The following LRP11 variants were observed in gnomAD, a reference collection of about 807,000 sequenced individuals.
LRP11 encodes LDL receptor related protein 11.
In LRP11, 25 loss-of-function variants were observed where a neutral mutation model predicts 43.1. The observed-to-expected ratio is 0.58, with a 90% CI of 0.42 to 0.81. The LOEUF (loss-of-function observed/expected upper bound fraction) is 0.81, where lower values mean the gene tolerates loss of function less well. Ranked by LOEUF, LRP11 falls within the 30% of genes least tolerant of loss-of-function variation. The pLI, the probability that LRP11 is intolerant of heterozygous loss-of-function variation, is 0.00. For synonymous variants in LRP11, 316 were observed against 299.4 expected, an observed-to-expected ratio of 1.06 and a Z score of -0.57; for missense variants, 623 against 665.1, an observed-to-expected ratio of 0.94 and a Z score of 0.70.
chr6:149,853,922 A>G (rs1776760262), intron 1 of LRP11, among the ~76,000 whole-genome samples: 1 of 152,218 alleles, frequency 6.6e-6, no homozygotes, highest in African/African-American at 2.4e-5. Context: ...AAAGTATTCA[A>G]TGAATGGGAA....
intron 1 of LRP11, among the ~76,000 whole-genome samples, chr6:149,859,396 A>ATTT (rs1163759560): frequency 8.4e-5 from 6 of 71,494 alleles, no homozygotes; most frequent in Non-Finnish European, 1.1e-4. Flanking sequence ...ATATATATAT[A>ATTT]TTTTTTTTTT....
intron 6 of LRP11, among the ~76,000 whole-genome samples, chr6:149,823,265 G>C (rs1005855690): frequency 1.3e-5 from 2 of 152,174 alleles, no homozygotes; most frequent in African/African-American, 4.8e-5. Context: ...TCATTTATGG[G>C]AGTACAGAAG....
At chr6:149,828,360 T>G (rs1776367673) in intron 5 of LRP11, among the ~76,000 whole-genome samples, 3 of 152,140 alleles carry the variant, frequency 2.0e-5, no homozygotes. Flanking sequence ...CAGAGTGCAA[T>G]TTTTGTGGCA....
In LRP11 at chr6:149,863,768, G is replaced by C; in HGVS notation, c.253C>G (p.Pro85Ala). 1 of 1,478,528 alleles carries C rather than the reference G, an allele frequency of 6.8e-7. No homozygotes were observed. Among genetic ancestry groups the C allele is most frequent in the South Asian group, 1.3e-5 (1 of 78,386 alleles). The allele number at this position is 1,478,528 out of a possible 1,614,324, so 91.6% of individuals were successfully genotyped here. Residue 85 changes from proline to alanine, a missense_variant, in exon 1 of 7, where the codon CCC becomes GCC. Coordinates refer to ENST00000239367, the MANE Select transcript of LRP11 (RefSeq NM_032832.6). The stretch of plus-strand genomic sequence containing the variant: ...CCCGGGCCCGGGCAGTCCTCCTGGG[G>C]GCCGCCGCCCGCGCGCAGCTCCAGC... ...LELELRAGGG[P>A]QEDCPGPGSG...
intron 6 of LRP11, among the ~76,000 whole-genome samples, chr6:149,820,928 C>CT (rs11399122): frequency 0.096 from 11,150 of 116,448 alleles, 2,358 homozygotes; most frequent in African/African-American, 0.36. Context: ...CAAACCTAGA[C>CT]TTTTTTTTTT....
rs768283917 is a variant in LRP11 at position 149,843,151 on chromosome 6, T to C, written c.772-27A>G. On this transcript the variant is annotated intron_variant, in intron 2 of 6. Transcript: ENST00000239367. Reference sequence around the variant, plus strand: ...TGCCACACAGATGGGACACATCACGTCGAGCAGCAGACTTGAGCTCCGAGC... The same window carrying C: ...TGCCACACAGATGGGACACATCACGCCGAGCAGCAGACTTGAGCTCCGAGC... 8 of 1,613,644 alleles carry C rather than the reference T, an allele frequency of 5.0e-6. No individual in the cohort carries two copies. The Admixed American group carries it at 1.3e-4, about 27-fold the overall frequency.
chr6:149,821,271 C>T (rs1776274952), intron 6 of LRP11, among the ~76,000 whole-genome samples: 1 of 152,178 alleles, frequency 6.6e-6, no homozygotes, highest in African/African-American at 2.4e-5. Context: ...CAGCTTCCTA[C>T]AAAATTTGTA....
intron 5 of LRP11, among the ~76,000 whole-genome samples, chr6:149,833,027 C>G (rs1776429244): frequency 6.6e-6 from 1 of 152,008 alleles, no homozygotes; most frequent in Admixed American, 6.5e-5. Context: ...CCAGGATGGT[C>G]TCGATCTCCT....
chr6:149,820,394 A>AC lies in LRP11; in HGVS notation c.*154_*155insG, dbSNP rs1454624802. The AC allele has an allele frequency of 7.9e-6, 3 of 379,956 alleles. No homozygotes were observed. Among genetic ancestry groups the AC allele is most frequent in the Non-Finnish European group, 1.3e-5 (3 of 231,226 alleles). 23.5% of individuals were successfully genotyped at this position (379,956 alleles called of 1,614,324 possible). On this transcript the variant is annotated 3_prime_UTR_variant, in exon 7 of 7. Coordinates refer to ENST00000239367, the MANE Select transcript of LRP11 (RefSeq NM_032832.6). ...CAAAATATTTTATGACTTCTAAGGA[A>AC]ACTTTTTTTACAATAAATAATAAAG...
At chr6:149,848,859 T>C (rs1394842831) in intron 2 of LRP11, among the ~76,000 whole-genome samples, 1 of 152,140 alleles carries the variant, frequency 6.6e-6, no homozygotes, top group East Asian at 1.9e-4. Flanking sequence ...ATAACAAACC[T>C]GCACATGTAC....
At chr6:149,828,478 G>A (rs546157010) in intron 5 of LRP11, among the ~76,000 whole-genome samples, 3 of 144,756 alleles carry the variant, frequency 2.1e-5, no homozygotes, top group Non-Finnish European at 4.5e-5. Context: ...TTGAAAATAT[G>A]AGTATGTTTT....
chr6:149,844,686 T>C (rs368797140), intron 2 of LRP11, among the ~76,000 whole-genome samples: 6 of 152,250 alleles, frequency 3.9e-5, no homozygotes, highest in East Asian at 1.9e-4. Flanking sequence ...TTCTATTACA[T>C]TGATGCGTTA....
intron 6 of LRP11, among the ~76,000 whole-genome samples, chr6:149,824,237 A>G (rs556129672): frequency 4.3e-4 from 66 of 152,316 alleles, no homozygotes; most frequent in African/African-American, 1.5e-3. Flanking sequence ...GCCAATCCCA[A>G]TGCCGGGGCT....
chr6:149,863,137 C>T (rs1025570185), intron 1 of LRP11, among the ~76,000 whole-genome samples: 4 of 152,158 alleles, frequency 2.6e-5, no homozygotes, highest in African/African-American at 9.7e-5. Context: ...CATTTCTCCC[C>T]TTTTAAGTCA....
chr6:149,864,065 G>C lies in LRP11; in HGVS notation c.-45C>G, dbSNP rs1776994798. 7.9e-7 allele frequency: 1 copy of C among 1,265,800 alleles called. No homozygotes were observed. 78.4% of individuals were successfully genotyped at this position (1,265,800 alleles called of 1,614,324 possible). On this transcript the variant is annotated 5_prime_UTR_variant, in exon 1 of 7. Transcript: ENST00000239367. ...AGCGAGCCGAGGCGGGGCTGAGCGC[G>C]GGAGGAAGGCGGGGACGCGGGCGAG...
chr6:149,845,527 C>T (rs1208327038), intron 2 of LRP11, among the ~76,000 whole-genome samples: 1 of 152,188 alleles, frequency 6.6e-6, no homozygotes, highest in Non-Finnish European at 1.5e-5. Flanking sequence ...CACGCTGTTA[C>T]ATTACCTTCA....
intron 6 of LRP11, among the ~76,000 whole-genome samples, chr6:149,821,132 T>C (rs1776273153): frequency 6.6e-6 from 1 of 152,096 alleles, no homozygotes; most frequent in Non-Finnish European, 1.5e-5. Flanking sequence ...GGTTTCAACA[T>C]CTTGGCCAGG....
At chr6:149,822,501 TAAAA>T (rs35135120) in intron 6 of LRP11, among the ~76,000 whole-genome samples, 1 of 143,696 alleles carries the variant, frequency 7.0e-6, no homozygotes, top group Non-Finnish European at 1.6e-5. Context: ...GATCCTGTCT[TAAAA>T]AAAAAAAAAA....
At chr6:149,824,918 G>A (rs1317628857) in intron 6 of LRP11, among the ~76,000 whole-genome samples, 2 of 152,080 alleles carry the variant, frequency 1.3e-5, no homozygotes, top group Admixed American at 1.3e-4. Context: ...GCCAACTAGA[G>A]CTGAGACTCT....
Sources: gnomAD v4.1 joint callset for allele counts (sites outside exome capture counted in the v4.1 genomes callset) on GRCh38, gnomAD v4.1.1 for gene constraint, MANE v1.5 for transcripts, NCBI Gene and HGNC (gene_info 2026-07-23, HGNC 2026-07-21) for gene names.